PLXNC1: variants seen among roughly 807,000 people sequenced by gnomAD.
PLXNC1 encodes plexin-C1.
Under a neutral mutation model 178.2 loss-of-function variants are expected in PLXNC1, and 75 were observed. That is an observed-to-expected ratio of 0.42 (90% CI 0.35 to 0.51). The LOEUF (loss-of-function observed/expected upper bound fraction) is 0.51, where lower values mean the gene tolerates loss of function less well. PLXNC1 is among the 20% of genes least tolerant of loss of function. The probability of loss-of-function intolerance (pLI) is 0.02; values close to 1 mark genes in which losing one functional copy is unlikely to be tolerated. For missense variants in PLXNC1, 1,503 were observed against 1,984.4 expected, an observed-to-expected ratio of 0.76 and a Z score of 4.61; for synonymous variants, 790 against 779.9, an observed-to-expected ratio of 1.01 and a Z score of -0.22.
chr12:94,214,120 T>C (rs1359418377), intron 5 of PLXNC1, among the ~76,000 whole-genome samples: 1 of 151,682 alleles, frequency 6.6e-6, no homozygotes, highest in East Asian at 1.9e-4. Flanking sequence ...GGTCTCCCTC[T>C]GTCATCTAGG....
At chr12:94,194,310 G>A (rs983068767) in intron 4 of PLXNC1, among the ~76,000 whole-genome samples, 8 of 152,200 alleles carry the variant, frequency 5.3e-5, no homozygotes, top group Non-Finnish European at 1.0e-4. Flanking sequence ...AATTGAACAT[G>A]AGATTTGGGT....
At position 94,224,229 on chromosome 12, in the gene PLXNC1, T is replaced by C; in HGVS notation, c.1704T>C (p.Asp568=). 6.3e-7 allele frequency: 1 copy of C among 1,580,864 alleles called. No homozygotes were observed. The change falls in exon 7 of 31, where the codon GAT becomes GAC. Residue 568 remains aspartate, a splice_region_variant and synonymous_variant. Coordinates refer to ENST00000258526, the MANE Select transcript of PLXNC1 (RefSeq NM_005761.3). Reference sequence around the variant, plus strand: ...GACATTTTCCCCCCTTCCCTCCAGATGTTTCAGTTGTCAACGTGATGTTCT... The same window carrying C: ...GACATTTTCCCCCCTTCCCTCCAGACGTTTCAGTTGTCAACGTGATGTTCT... ...CSIPTRATYK[D]VSVVNVMFSF...
intron 1 of PLXNC1, among the ~76,000 whole-genome samples, chr12:94,160,819 C>T (rs960653597): frequency 2.6e-5 from 4 of 152,050 alleles, no homozygotes; most frequent in Non-Finnish European, 2.9e-5. Flanking sequence ...ATTAATATAT[C>T]GATCTATCAA....
At chr12:94,219,156 G>A (rs1016224762) in intron 5 of PLXNC1, among the ~76,000 whole-genome samples, 4 of 152,210 alleles carry the variant, frequency 2.6e-5, no homozygotes, top group Admixed American at 2.6e-4. Context: ...GATAAAGCAG[G>A]AGAGATTTGC....
At position 94,297,344 on chromosome 12, in the gene PLXNC1, A is replaced by T; in HGVS notation, c.3995A>T (p.Asp1332Val). Residue 1332 changes from aspartate to valine, a missense_variant, in exon 26 of 31, where the codon GAT becomes GTT. This residue lies in a region of PLXNC1 where 639 missense variants were observed against 979.7 expected (regional missense o/e 0.65). Coordinates refer to ENST00000258526, the MANE Select transcript of PLXNC1 (RefSeq NM_005761.3). ...TTACCAGATTCGGAAGCATTCCAAG[A>T]TGTGCAAGGAAAGAGACATCGAGGG... ...LILPDSEAFQDVQGKRHRGKH... is the reference protein window; with the variant it reads ...LILPDSEAFQVVQGKRHRGKH... 6.2e-7 allele frequency: 1 copy of T among 1,614,076 alleles called. No homozygotes were observed.
chr12:94,195,293 G>A (rs1171959607), intron 4 of PLXNC1, among the ~76,000 whole-genome samples: 1 of 152,122 alleles, frequency 6.6e-6, no homozygotes, highest in African/African-American at 2.4e-5. Context: ...CTTTCCTCTG[G>A]TGTGTTTTGT....
At chr12:94,227,088 T>A in intron 8 of PLXNC1, 61 bp from the exon 9 acceptor site, 1 of 1,079,342 alleles carries the variant, frequency 9.3e-7, no homozygotes, top group South Asian at 1.3e-5. Flanking sequence ...CTCTTTTATG[T>A]TTGTTGCACA....
intron 21 of PLXNC1, among the ~76,000 whole-genome samples, chr12:94,273,349 A>AT (rs1011129376): frequency 2.6e-5 from 4 of 151,998 alleles, no homozygotes; most frequent in East Asian, 3.9e-4. Context: ...AGAAGGTGGG[A>AT]TTTTTTTCTG....
rs1408840814 is a variant in PLXNC1, at chr12:94,155,048, G to A, written c.1062+5015G>A. 2.0e-5 allele frequency among the ~76,000 whole-genome samples: 3 copies of A among 152,278 alleles called. No individual in the cohort carries two copies. The South Asian group carries it at 6.2e-4, about 32-fold the overall frequency. ...TTTTCTTAATGCCTGATGTGTCAGG[G>A]CCCCTTCCTTCCTTAGTTTTAGGTT... On this transcript the variant is annotated intron_variant, in intron 1 of 30. Transcript: ENST00000258526.
chr12:94,280,044 C>G, intron 22 of PLXNC1: 1 of 350,642 alleles, frequency 2.9e-6, no homozygotes, highest in South Asian at 2.2e-5. Flanking sequence ...TGATACTGAG[C>G]GTGTCATTAC....
chr12:94,289,568 G>A (rs1410284563), intron 23 of PLXNC1, among the ~76,000 whole-genome samples: 2 of 152,124 alleles, frequency 1.3e-5, no homozygotes, highest in African/African-American at 4.8e-5. Context: ...ACTAGGGGAC[G>A]ATTAATGAGT....
chr12:94,277,700 G>C, intron 21 of PLXNC1: 2 of 337,692 alleles, frequency 5.9e-6, no homozygotes, highest in Non-Finnish European at 1.2e-5. Flanking sequence ...GGGCGTCCTA[G>C]CTGTCCAATG....
rs556100509 is a variant in PLXNC1, at chr12:94,295,663, C to T, written c.3934+1123C>T. Among the ~76,000 whole-genome samples, 3 of 152,242 alleles carry T rather than the reference C, an allele frequency of 2.0e-5. No individual in the cohort carries two copies. In the East Asian group the frequency reaches 5.8e-4, roughly 29 times the overall value. ...TGTCAAAATCCCAACGCTGGATGAA[C>T]CCAACGATTATCCTTTCCTGACCCT... On this transcript the variant is annotated intron_variant, in intron 24 of 30. Transcript: ENST00000258526.
chr12:94,201,141 A>G (rs918271835), intron 4 of PLXNC1, among the ~76,000 whole-genome samples: 2 of 152,358 alleles, frequency 1.3e-5, no homozygotes, highest in East Asian at 3.9e-4. Context: ...AATAATTTCA[A>G]TACACTGTGT....
intron 23 of PLXNC1, among the ~76,000 whole-genome samples, chr12:94,285,109 A>G (rs548394779): frequency 1.4e-5 from 2 of 139,374 alleles, no homozygotes; most frequent in East Asian, 2.0e-4. Flanking sequence ...GGGGTCAAAG[A>G]TATCAGTTGG....
chr12:94,191,182 C>G (rs900927408), intron 4 of PLXNC1, among the ~76,000 whole-genome samples: 7 of 152,158 alleles, frequency 4.6e-5, no homozygotes, highest in Non-Finnish European at 1.0e-4. Context: ...CCCTTCACAG[C>G]CATGTCAGAA....
At chr12:94,246,619 G>A (rs1008334600) in intron 12 of PLXNC1, among the ~76,000 whole-genome samples, 3 of 152,218 alleles carry the variant, frequency 2.0e-5, no homozygotes, top group African/African-American at 7.2e-5. Flanking sequence ...GTAGAGTCTT[G>A]AGGATAATAG....
rs1968750223 is a variant in PLXNC1 at position 94,304,015 on chromosome 12, A to G, written c.4566A>G (p.Thr1522=). The G allele has an allele frequency of 1.3e-6, 2 of 1,584,744 alleles. No homozygotes were observed. Among genetic ancestry groups the G allele is most frequent in the Non-Finnish European group, 1.7e-6 (2 of 1,154,096 alleles). ...ENEFNEEVAL[T]EIYKYIVKYF... ...AATTTAATGAAGAAGTGGCCTTGAC[A>G]GAAATTTACAAATACATCGTAAAAT... The change falls in exon 30 of 31, where the codon ACA becomes ACG. Residue 1522 remains threonine, a synonymous_variant. Transcript: ENST00000258526.
chr12:94,233,768 A>G (rs947835898), intron 9 of PLXNC1, among the ~76,000 whole-genome samples: 5 of 151,926 alleles, frequency 3.3e-5, no homozygotes, highest in African/African-American at 1.2e-4. Context: ...GTGGACCTGT[A>G]TTTTGCTATT....
Sources: gnomAD v4.1 joint callset for allele counts (sites outside exome capture counted in the v4.1 genomes callset) on GRCh38, gnomAD v4.1.1 for gene constraint, gnomAD v4.1.1 regional missense constraint, MANE v1.5 for transcripts, NCBI Gene and HGNC (gene_info 2026-07-23, HGNC 2026-07-21) for gene names.